The following PPP1R37 variants were observed in gnomAD, a reference collection of about 807,000 sequenced individuals.
PPP1R37 encodes the protein protein phosphatase 1 regulatory subunit 37.
Under a neutral mutation model 61.0 loss-of-function variants are expected in PPP1R37, and 21 were observed. That is an observed-to-expected ratio of 0.34 (90% CI 0.24 to 0.50). PPP1R37 has a LOEUF of 0.50. PPP1R37 is among the 20% of genes least tolerant of loss of function. PPP1R37 has a pLI of 0.98. For missense variants in PPP1R37, 910 were observed against 952.7 expected (o/e 0.96, Z 0.59); for synonymous variants, 443 against 433.5 (o/e 1.02, Z -0.27).
chr19:45,144,849 T>C lies in PPP1R37; in HGVS notation c.988-5T>C. ...CCTCCTCACCCTCACACCCCCTCCC[T>C]CCAGCCGCACACTCAGAGCCTGGAG... On this transcript the variant is annotated splice_polypyrimidine_tract_variant and splice_region_variant and intron_variant, in intron 8 of 12. Coordinates refer to ENST00000221462, the MANE Select transcript of PPP1R37 (RefSeq NM_019121.2). The C allele has an allele frequency of 6.5e-7, 1 of 1,526,742 alleles. No individual in the cohort carries two copies. The highest frequency in any genetic ancestry group is 2.5e-5 in the East Asian group (1 of 40,352). 94.6% of individuals were successfully genotyped at this position (1,526,742 alleles called of 1,614,324 possible).
intron 1 of PPP1R37, among the ~76,000 whole-genome samples, chr19:45,133,955 T>C (rs1283621621): frequency 1.3e-5 from 2 of 152,194 alleles, no homozygotes; most frequent in African/African-American, 2.4e-5. Flanking sequence ...GCATCTCTCA[T>C]GTGGTTAGTG....
chr19:45,113,082 C>A (rs1035722149), intron 1 of PPP1R37, among the ~76,000 whole-genome samples: 3 of 152,196 alleles, frequency 2.0e-5, no homozygotes, highest in Non-Finnish European at 2.9e-5. Flanking sequence ...TAACTACACA[C>A]CCCTTCCATA....
chr19:45,101,455 C>A (rs1040038156), intron 1 of PPP1R37, among the ~76,000 whole-genome samples: 1 of 152,174 alleles, frequency 6.6e-6, no homozygotes, highest in East Asian at 1.9e-4. Context: ...GGGGGGCTCA[C>A]GCCTGTCATC....
At chr19:45,102,517 A>G (rs114750192) in intron 1 of PPP1R37, among the ~76,000 whole-genome samples, 14 of 152,302 alleles carry the variant, frequency 9.2e-5, no homozygotes, top group African/African-American at 3.1e-4. Context: ...TCATGAGGAC[A>G]TGGGAAAGTT....
intron 1 of PPP1R37, chr19:45,128,601 G>C (rs1289039105): frequency 7.9e-7 from 1 of 1,264,726 alleles, no homozygotes; most frequent in East Asian, 2.6e-5. Flanking sequence ...GACAAGAGAT[G>C]CAGGGGCCTC....
At chr19:45,138,342 C>CG (rs759946347) in intron 1 of PPP1R37, among the ~76,000 whole-genome samples, 172 bp from the exon 2 acceptor site, 2 of 152,052 alleles carry the variant, frequency 1.3e-5, no homozygotes, top group South Asian at 2.1e-4. Context: ...CACTTTACCT[C>CG]GGGCAGTGGC....
chr19:45,138,631 G>GGTGC lies in PPP1R37; in HGVS notation c.300+23_300+26dup. On this transcript the variant is annotated intron_variant, in intron 2 of 12. Transcript: ENST00000221462. ...CTGCAGGTATGGGCGGGACAGGGTG[G>GGTGC]GTGCGTCCGGTGTGGGTGTCAAGGG... 1 of 1,435,120 alleles carries GGTGC rather than the reference G, an allele frequency of 7.0e-7. No individual in the cohort carries two copies. Among genetic ancestry groups the GGTGC allele is most frequent in the Non-Finnish European group, 9.5e-7 (1 of 1,055,862 alleles). 88.9% of individuals were successfully genotyped at this position (1,435,120 alleles called of 1,614,324 possible).
In PPP1R37 at chr19:45,108,649, T is replaced by G. The variant is rs1042584947; in HGVS notation, c.202+15122T>G. 4 of 111,846 alleles carry G rather than the reference T, an allele frequency of 3.6e-5. No individual in the cohort carries two copies. The East Asian group carries it at 7.8e-4, about 22-fold the overall frequency. 6.9% of individuals were successfully genotyped at this position (111,846 alleles called of 1,614,324 possible). ...GTTTGTTTTGTATTTTTGTGGGTTT[T>G]TTTTTTTTTTTAATGGAGTTTCACT... On this transcript the variant is annotated intron_variant, in intron 1 of 12. Coordinates refer to ENST00000221462, the MANE Select transcript of PPP1R37 (RefSeq NM_019121.2).
At chr19:45,112,272 C>A (rs888048814) in intron 1 of PPP1R37, among the ~76,000 whole-genome samples, 1 of 152,210 alleles carries the variant, frequency 6.6e-6, no homozygotes, top group African/African-American at 2.4e-5. Context: ...CCTTCTGATA[C>A]ATTTCACCTG....
chr19:45,095,492 A>G (rs993239448), intron 1 of PPP1R37, among the ~76,000 whole-genome samples: 1 of 147,732 alleles, frequency 6.8e-6, no homozygotes, highest in Non-Finnish European at 1.5e-5. Flanking sequence ...GCCGGACGCC[A>G]TGGTTCATGC....
At chr19:45,141,969 TG>T in intron 5 of PPP1R37, 91 bp from the exon 6 acceptor site, 1 of 1,028,194 alleles carries the variant, frequency 9.7e-7, no homozygotes, top group African/African-American at 1.5e-5. Context: ...GCACAGGTCC[TG>T]GGGCCAGGGA....
At position 45,095,115 on chromosome 19, in the gene PPP1R37, T is replaced by A. The variant is rs1216592243; in HGVS notation, c.202+1588T>A. Among the ~76,000 whole-genome samples, 4 of 152,166 alleles carry A rather than the reference T, an allele frequency of 2.6e-5. No homozygotes were observed. In the East Asian group the frequency reaches 7.7e-4, roughly 29 times the overall value. On this transcript the variant is annotated intron_variant, in intron 1 of 12. Coordinates refer to ENST00000221462, the MANE Select transcript of PPP1R37 (RefSeq NM_019121.2). The stretch of plus-strand genomic sequence containing the variant: ...TGTGGACAATGGAGGAATTGGTGGC[T>A]TTGATGTGAGGGTGGGAAACATGGT...
At chr19:45,119,823 C>G (rs576387304) in intron 1 of PPP1R37, among the ~76,000 whole-genome samples, 1 of 152,214 alleles carries the variant, frequency 6.6e-6, no homozygotes, top group African/African-American at 2.4e-5. Context: ...AGCTCCACCC[C>G]CCAGCACCCC....
intron 1 of PPP1R37, among the ~76,000 whole-genome samples, chr19:45,114,635 T>G (rs1391370886): frequency 6.6e-6 from 1 of 152,140 alleles, no homozygotes; most frequent in East Asian, 1.9e-4. Flanking sequence ...ACTAGGTTGC[T>G]GTTACATGTG....
At position 45,113,772 on chromosome 19, in the gene PPP1R37, C is replaced by T. The variant is rs1599695589; in HGVS notation, c.202+20245C>T. Reference sequence around the variant, plus strand: ...ACTCAGAGAGTTCTCTCCGCCCCCTCACCACTCTTGGTGATTATTTATCCC... The same window carrying T: ...ACTCAGAGAGTTCTCTCCGCCCCCTTACCACTCTTGGTGATTATTTATCCC... On this transcript the variant is annotated intron_variant, in intron 1 of 12. Transcript: ENST00000221462. Among the ~76,000 whole-genome samples, 4 of 152,244 alleles carry T rather than the reference C, an allele frequency of 2.6e-5. No homozygotes were observed. The South Asian group carries it at 8.3e-4, about 31-fold the overall frequency.
At chr19:45,098,372 T>C (rs1326743529) in intron 1 of PPP1R37, among the ~76,000 whole-genome samples, 1 of 152,180 alleles carries the variant, frequency 6.6e-6, no homozygotes, top group Non-Finnish European at 1.5e-5. Flanking sequence ...AGCTGAACTC[T>C]GTGGGGTTGG....
intron 11 of PPP1R37, 35 bp from the exon 12 acceptor site, chr19:45,146,355 G>A (rs758653378): frequency 1.6e-5 from 25 of 1,525,380 alleles, no homozygotes; most frequent in South Asian, 1.3e-4. Context: ...TGCCCCACCC[G>A]CCTGACGGGG....
At position 45,121,879 on chromosome 19, in the gene PPP1R37, ACT is replaced by A. The variant is rs367567743; in HGVS notation, c.203-16632_203-16631del. On this transcript the variant is annotated intron_variant, in intron 1 of 12. Coordinates refer to ENST00000221462, the MANE Select transcript of PPP1R37 (RefSeq NM_019121.2). This position sits in a 1 kb window ranked among gnomAD's most constrained non-coding sequence, Gnocchi z 4.2. ...GCATTGGGCTTACATGACTGATCAG[ACT>A]CTGATTCTGTGTGGAGCAGCCTGGG... 9.9e-5 allele frequency among the ~76,000 whole-genome samples: 15 copies of A among 152,008 alleles called. No individual in the cohort carries two copies. The highest frequency in any genetic ancestry group is 3.6e-4 in the African/African-American group (15 of 41,366).
At chr19:45,125,567 A>G (rs1440223261) in intron 1 of PPP1R37, among the ~76,000 whole-genome samples, 1 of 152,138 alleles carries the variant, frequency 6.6e-6, no homozygotes, top group Non-Finnish European at 1.5e-5. Flanking sequence ...TAGAAATGGG[A>G]TGCAGTCTTA....
Sources: allele counts gnomAD v4.1 joint callset (sites outside exome capture counted in the v4.1 genomes callset), GRCh38; gene constraint gnomAD v4.1.1; non-coding constraint Gnocchi (gnomAD v3.1); transcripts MANE v1.5; gene names NCBI Gene and HGNC (gene_info 2026-07-23, HGNC 2026-07-21).